TBC1D10C: variants seen among roughly 807,000 people sequenced by gnomAD.
TBC1D10C encodes the protein TBC1 domain family member 10C.
TBC1D10C carries 49 observed loss-of-function variants against 51.0 expected under a neutral mutation model. The ratio of observed to expected loss-of-function variants is 0.96; its 90% CI spans 0.76 to 1.22. TBC1D10C has a LOEUF of 1.22. Among genes scored for constraint, TBC1D10C ranks in the 50% most tolerant of loss-of-function variants. The pLI is 0.00. For synonymous variants in TBC1D10C, 281 were observed against 266.7 expected (o/e 1.05, Z -0.52); for missense variants, 541 against 617.5 (o/e 0.88, Z 1.31).
rs1271151508 is a variant in TBC1D10C, at chr11:67,409,418, G to A, written c.1005G>A (p.Val335=). 1 of 1,548,892 alleles carries A rather than the reference G, an allele frequency of 6.5e-7. No homozygotes were observed. Among genetic ancestry groups the A allele is most frequent in the Admixed American group, 2.0e-5 (1 of 50,970 alleles). The change falls in exon 9 of 9, where the codon GTG becomes GTA. Residue 335 remains valine, a synonymous_variant. Transcript: ENST00000542590. ...ACTGCTCCCCACAGGTGCACAGCGT[G>A]GTGCTGTCAGAGCGGGACCTGCAGC... ...EEAFMSQVHS[V]VLSERDLQRE...
intron 7 of TBC1D10C, 166 bp downstream of exon 7, chr11:67,407,182 C>T (rs1447758102): frequency 3.5e-6 from 3 of 854,018 alleles, no homozygotes; most frequent in Non-Finnish European, 5.3e-6. Flanking sequence ...ATCACCCAGG[C>T]ACCGCCTGGT....
chr11:67,408,051 G>C (rs1414084200), intron 7 of TBC1D10C: 1 of 152,272 alleles, frequency 6.6e-6, no homozygotes, highest in Admixed American at 6.5e-5. Context: ...CACTACACAG[G>C]CTCCCTTTAT....
intron 1 of TBC1D10C, among the ~76,000 whole-genome samples, chr11:67,404,646 T>C (rs146101099): frequency 6.6e-6 from 1 of 152,088 alleles, no homozygotes; most frequent in African/African-American, 2.4e-5. Flanking sequence ...ACAGAACCCA[T>C]ACCTCCTCCT....
In TBC1D10C at chr11:67,404,118, G is replaced by T. The variant is rs1342813154; in HGVS notation, c.-85G>T. 3 of 1,385,956 alleles carry T rather than the reference G, an allele frequency of 2.2e-6. No homozygotes were observed. Among genetic ancestry groups the T allele is most frequent in the Non-Finnish European group, 2.8e-6 (3 of 1,068,282 alleles). 85.9% of individuals were successfully genotyped at this position (1,385,956 alleles called of 1,614,324 possible). A position where few individuals can be genotyped will look rare whatever the true frequency, so the allele number is the denominator to read the frequency against. On this transcript the variant is annotated 5_prime_UTR_variant, in exon 1 of 9. Coordinates refer to ENST00000542590, the MANE Select transcript of TBC1D10C (RefSeq NM_001369496.1). ...GAAACCTCCCCCCTCTGACCCCGCA[G>T]CCAGGCCCCAGGCTGGCCGGGAGTG... is the stretch of plus-strand genomic sequence containing the variant.
chr11:67,404,057 A>G, upstream of TBC1D10C: 1 of 1,019,978 alleles, frequency 9.8e-7, no homozygotes, highest in East Asian at 3.1e-5. Flanking sequence ...CTGCCCCCAT[A>G]AAAGAGGAGA....
At chr11:67,403,927 A>C, upstream of TBC1D10C, 27 of 327,084 alleles carry the variant, frequency 8.3e-5, no homozygotes, top group Middle Eastern at 8.1e-4. Flanking sequence ...AGGAGGAGGA[A>C]GTGAGAGGAG....
At position 67,406,887 on chromosome 11, in the gene TBC1D10C, G is replaced by T. The variant is rs373055933; in HGVS notation, c.709G>T (p.Val237Leu). ...CCTGCTGCGGCGGCTGCTTCCGCAC[G>T]TGCACAAGCACCTGCAGCAGGTGGG... ...MALLRRLLPH[V>L]HKHLQQVGVG... Residue 237 changes from valine (V) to leucine (L), a missense_variant, in exon 7 of 9, where the codon GTG (valine) becomes TTG (leucine). Coordinates refer to ENST00000542590, the MANE Select transcript of TBC1D10C (RefSeq NM_001369496.1). 1.2e-6 allele frequency: 2 copies of T among 1,611,110 alleles called. No individual in the cohort carries two copies. The highest frequency in any genetic ancestry group is 3.3e-5 in the Admixed American group (2 of 59,998).
rs1472293198 is a variant in TBC1D10C at position 67,410,031 on chromosome 11, G to T, written c.*277G>T. On this transcript the variant is annotated 3_prime_UTR_variant, in exon 9 of 9. Transcript: ENST00000542590. The stretch of plus-strand genomic sequence containing the variant: ...AGCCAGCACCAAAGGAGTCAGGGAA[G>T]GGGTTGGCTGAGTCAAGGGACCCCA... 4 of 414,018 alleles carry T rather than the reference G, an allele frequency of 9.7e-6. No homozygotes were observed. Among genetic ancestry groups the T allele is most frequent in the Non-Finnish European group, 1.7e-5 (4 of 232,296 alleles). 25.6% of individuals were successfully genotyped at this position (414,018 alleles called of 1,614,324 possible).
chr11:67,407,148 C>G (rs1264679359), intron 7 of TBC1D10C, 132 bp downstream of exon 7: 19 of 1,098,932 alleles, frequency 1.7e-5, no homozygotes, highest in Non-Finnish European at 2.3e-5. Flanking sequence ...GGCCTGGTGC[C>G]TGGCGCTACA....
At position 67,405,451 on chromosome 11, in the gene TBC1D10C, G is replaced by A. The variant is rs1296135757; in HGVS notation, c.305G>A (p.Trp102Ter). 1 of 1,613,394 alleles carries A rather than the reference G, an allele frequency of 6.2e-7. No individual in the cohort carries two copies. The highest frequency in any genetic ancestry group is 8.5e-7 in the Non-Finnish European group (1 of 1,179,972). Residue 102 changes from tryptophan (W) to a stop codon, truncating the protein, a stop_gained, in exon 3 of 9, where the codon TGG becomes TAG. Transcript: ENST00000542590. LOFTEE classifies it high-confidence loss of function. ...GIPSALRARC[W>*]PLLCGAHVCQ... ...CCGTCTGCCCTGCGCGCCCGATGCT[G>A]GCCCCTGTTGTGTGGGGCCCATGTG...
At position 67,405,689 on chromosome 11, in the gene TBC1D10C, C is replaced by T. The variant is rs1237165886; in HGVS notation, c.455C>T (p.Pro152Leu). The T allele has an allele frequency of 1.2e-6, 2 of 1,613,588 alleles. No individual in the cohort carries two copies. Among genetic ancestry groups the T allele is most frequent in the African/African-American group, 1.3e-5 (1 of 74,922 alleles). The change falls in exon 4 of 9, where the codon CCT becomes CTT. Residue 152 changes from proline to leucine, a missense_variant. Physicochemically the swap from Pro to Leu is moderately conservative, Grantham distance 98 (BLOSUM62 -3). Coordinates refer to ENST00000542590, the MANE Select transcript of TBC1D10C (RefSeq NM_001369496.1). ...QFPLHEMFVS[P>L]QGHGQQGLLQ... is the part of the protein sequence containing the mutation. ...CCTCTGCACGAGATGTTTGTGTCGC[C>T]TCAGGGCCACGGGTACGAGGCCGGT...
rs1439375329 is a variant in TBC1D10C at position 67,406,701 on chromosome 11, C to T, written c.648+9C>T. The T allele has an allele frequency of 5.1e-6, 8 of 1,575,924 alleles. No homozygotes were observed. Among genetic ancestry groups the T allele is most frequent in the Non-Finnish European group, 6.9e-6 (8 of 1,160,526 alleles). ...ACTACGGGCCCCACATGGTGAGAGG[C>T]TGACATGGGGGCTGGAGGAAGGAGG... is the stretch of plus-strand genomic sequence containing the variant. On this transcript the variant is annotated intron_variant, in intron 6 of 8. Transcript: ENST00000542590.
At position 67,406,743 on chromosome 11, in the gene TBC1D10C, G is replaced by C. The variant is rs528208991; in HGVS notation, c.648+51G>C. ...GGAAGGAGGGGCAGGGGCCCGGTGA[G>C]TGGGTGGGGGTCTGGGGACTGAGGG... On this transcript the variant is annotated intron_variant, in intron 6 of 8. Transcript: ENST00000542590. 1.5e-5 allele frequency: 24 copies of C among 1,593,832 alleles called. 1 individual carries two copies. The South Asian group carries it at 2.7e-4, about 18-fold the overall frequency.
rs534356173 is a variant in TBC1D10C, at chr11:67,406,375, G to A, written c.583-252G>A. Reference sequence around the variant, plus strand: ...CCCTTGGCCAGTGAACCCCAACCCTGTGACCTTCAAATCTAACACCATGAG... The same window carrying A: ...CCCTTGGCCAGTGAACCCCAACCCTATGACCTTCAAATCTAACACCATGAG... On this transcript the variant is annotated intron_variant, in intron 5 of 8. Transcript: ENST00000542590. 4.7e-5 allele frequency: 26 copies of A among 556,136 alleles called. No homozygotes were observed. The East Asian group carries it at 7.6e-4, about 16-fold the overall frequency. The allele number at this position is 556,136 out of a possible 1,614,324, so 34.5% of individuals were successfully genotyped here.
chr11:67,404,924 G>C (rs894326703), intron 1 of TBC1D10C, 161 bp from the exon 2 acceptor site: 2 of 621,284 alleles, frequency 3.2e-6, no homozygotes, highest in Non-Finnish European at 5.5e-6. Flanking sequence ...TCCTGTCCCC[G>C]TGACAAGCAT....
chr11:67,408,810 T>C (rs937849705), intron 7 of TBC1D10C, 169 bp from the exon 8 acceptor site: 50 of 840,654 alleles, frequency 5.9e-5, no homozygotes, highest in Non-Finnish European at 8.0e-5. Context: ...ACTTGGCCAG[T>C]ACAGCGGCCT....
intron 8 of TBC1D10C, 115 bp from the exon 9 acceptor site, chr11:67,409,292 T>A (rs1293831299): frequency 1.4e-6 from 2 of 1,389,188 alleles, no homozygotes; most frequent in African/African-American, 2.9e-5. Context: ...TTTCTGTGGC[T>A]CCCCAGTGAG....
At chr11:67,408,828 C>T (rs1863305819) in intron 7 of TBC1D10C, 151 bp from the exon 8 acceptor site, 1 of 1,067,650 alleles carries the variant, frequency 9.4e-7, no homozygotes, top group South Asian at 2.0e-5. Context: ...CCTGTGTTAC[C>T]CGAAATGCAA....
chr11:67,406,682 G>A lies in TBC1D10C; in HGVS notation c.638G>A (p.Gly213Glu). ...GAGGTCTACCTCCCTGGGTACTACGGGCCCCACATGGTGAGAGGCTGACAT... is the reference window on the plus strand; with the variant it reads ...GAGGTCTACCTCCCTGGGTACTACGAGCCCCACATGGTGAGAGGCTGACAT... Reference protein sequence around the residue: ...ICEVYLPGYYGPHMEAVRLDA... With the variant: ...ICEVYLPGYYEPHMEAVRLDA... The change falls in exon 6 of 9, where the codon GGG (glycine) becomes GAG (glutamate). Residue 213 changes from glycine to glutamate, a missense_variant. Coordinates refer to ENST00000542590, the MANE Select transcript of TBC1D10C (RefSeq NM_001369496.1). 6.3e-7 allele frequency: 1 copy of A among 1,576,922 alleles called. No homozygotes were observed. The highest frequency in any genetic ancestry group is 8.6e-7 in the Non-Finnish European group (1 of 1,160,822).
Sources: gnomAD v4.1 joint callset for allele counts (sites outside exome capture counted in the v4.1 genomes callset) on GRCh38, gnomAD v4.1.1 for gene constraint, MANE v1.5 for transcripts, NCBI Gene and HGNC (gene_info 2026-07-23, HGNC 2026-07-21) for gene names.